Variants in REXO1 observed in about 807,000 individuals in gnomAD.
REXO1 encodes the protein REX1, RNA exonuclease 1 homolog.
A neutral mutation model predicts 102.6 loss-of-function variants in REXO1; 42 were observed. That is an observed-to-expected ratio of 0.41 (90% CI 0.32 to 0.53). The LOEUF is 0.53. REXO1 is among the 20% of genes least tolerant of loss of function. The pLI is 0.27. For synonymous variants in REXO1, 908 were observed against 779.1 expected (o/e 1.17, Z -2.76); for missense variants, 1,819 against 1,732.5 (o/e 1.05, Z -0.89).
chr19:1,818,639 C>A, intron 9 of REXO1, 44 bp from the exon 10 acceptor site: 2 of 1,607,540 alleles, frequency 1.2e-6, no homozygotes, highest in South Asian at 1.1e-5. Context: ...CACGCTGGGG[C>A]CCGCATGCCC....
Position 1,826,712 on chromosome 19 carries a change from T to TGCTCCTGA in REXO1, c.1911+158_1911+165dup, listed in dbSNP as rs1333279992. ...AACAGGAGCAACAGGGCTGCCCGGGTGCTCCTGAGCTCCTGAGATTTCAAC... is the reference window on the plus strand; with the variant it reads ...AACAGGAGCAACAGGGCTGCCCGGGTGCTCCTGAGCTCCTGAGCTCCTGAGATTTCAAC... On this transcript the variant is annotated intron_variant, in intron 2 of 15. Coordinates refer to ENST00000170168, the MANE Select transcript of REXO1 (RefSeq NM_020695.4). This position sits in a 1 kb window ranked among gnomAD's most constrained non-coding sequence, Gnocchi z 4.3. 6.6e-6 allele frequency among the ~76,000 whole-genome samples: 1 copy of TGCTCCTGA among 151,968 alleles called. No homozygotes were observed. Among genetic ancestry groups the TGCTCCTGA allele is most frequent in the Non-Finnish European group, 1.5e-5 (1 of 67,978 alleles).
intron 1 of REXO1, among the ~76,000 whole-genome samples, chr19:1,838,664 CA>C (rs11433403): frequency 2.5e-3 from 312 of 127,174 alleles, no homozygotes; most frequent in African/African-American, 7.5e-3. Context: ...GACTCCTTTT[CA>C]AAAAAAAAAA....
In REXO1 at chr19:1,820,294, G is replaced by T. The variant is rs2069494638; in HGVS notation, c.2496C>A (p.Phe832Leu). ...CTATGGCCTCCTGGTTGGAGGTACA[G>T]AACTTGAGACACTCCTCGATGAACA... The part of the protein sequence containing the change: ...LNLFIEECLK[F>L]CTSNQEAIEK... The change falls in exon 6 of 16, where the codon TTC (phenylalanine) becomes TTA (leucine). Residue 832 changes from phenylalanine to leucine, a missense_variant. Coordinates refer to ENST00000170168, the MANE Select transcript of REXO1 (RefSeq NM_020695.4). 1 of 1,613,862 alleles carries T rather than the reference G, an allele frequency of 6.2e-7. No individual in the cohort carries two copies. The highest frequency in any genetic ancestry group is 8.5e-7 in the Non-Finnish European group (1 of 1,179,970).
Position 1,827,595 on chromosome 19 carries a change from C to T in REXO1, c.1194G>A (p.Lys398=), listed in dbSNP as rs1180437682. 1 of 1,589,048 alleles carries T rather than the reference C, an allele frequency of 6.3e-7. No individual in the cohort carries two copies. Among genetic ancestry groups the T allele is most frequent in the African/African-American group, 1.4e-5 (1 of 73,084 alleles). ...GCCGCCCTCGGCCCTTGTCCTTGGT[C>T]TTGTCCTTCCCCTGGGCCCCGTCTT... ...SCKDGAQGKD[K]TKDKGRGRPV... is the part of the protein sequence containing the mutation. The change falls in exon 2 of 16, where the codon AAG becomes AAA. Residue 398 remains lysine (K), a synonymous_variant. Coordinates refer to ENST00000170168, the MANE Select transcript of REXO1 (RefSeq NM_020695.4).
chr19:1,831,779 AAGTTGC>A (rs951448504), intron 1 of REXO1, among the ~76,000 whole-genome samples: 1 of 148,736 alleles, frequency 6.7e-6, no homozygotes, highest in Non-Finnish European at 1.5e-5. Flanking sequence ...TGGGAGGCGG[AAGTTGC>A]AGTGAGCCAA....
Position 1,827,812 on chromosome 19 carries a change from C to A in REXO1, c.977G>T (p.Gly326Val). 6.2e-7 allele frequency: 1 copy of A among 1,607,172 alleles called. No homozygotes were observed. Among genetic ancestry groups the A allele is most frequent in the South Asian group, 1.1e-5 (1 of 90,628 alleles). The stretch of plus-strand genomic sequence containing the variant: ...CAGGCCGCCCCCCTCGGCCTCCAGG[C>A]CCTCTTTGGAGGGTGGCTGCCCGGT... ...KATGQPPSKE[G>V]LEAEGGGLRE... is the part of the protein sequence containing the mutation. Residue 326 changes from glycine (G) to valine (V), a missense_variant, in exon 2 of 16, where the codon GGC becomes GTC. Coordinates refer to ENST00000170168, the MANE Select transcript of REXO1 (RefSeq NM_020695.4).
chr19:1,827,006 C>A lies in REXO1; in HGVS notation c.1783G>T (p.Ala595Ser), dbSNP rs1272461275. ...SSSSSTSSAG[A>S]DVDYSALEKE... Reference sequence around the variant, plus strand: ...TCCAGGGCCGAGTAGTCCACATCCGCCCCCGCGCTGGAGGTGGAGGAGGAG... The same window carrying A: ...TCCAGGGCCGAGTAGTCCACATCCGACCCCGCGCTGGAGGTGGAGGAGGAG... The change falls in exon 2 of 16, where the codon GCG (alanine) becomes TCG (serine). Residue 595 changes from alanine (A) to serine (S), a missense_variant. Transcript: ENST00000170168. 2 of 1,551,248 alleles carry A rather than the reference C, an allele frequency of 1.3e-6. No individual in the cohort carries two copies. The highest frequency in any genetic ancestry group is 1.7e-6 in the Non-Finnish European group (2 of 1,148,436).
chr19:1,822,303 A>G (rs2069570132), intron 4 of REXO1: 2 of 166,318 alleles, frequency 1.2e-5, no homozygotes, highest in South Asian at 1.9e-4. Context: ...CTGGCCCTGG[A>G]AGGTGCAAGG....
Position 1,823,645 on chromosome 19 carries a change from C to T in REXO1, c.2157G>A (p.Ser719=), listed in dbSNP as rs947755530. 9 of 1,303,910 alleles carry T rather than the reference C, an allele frequency of 6.9e-6. No homozygotes were observed. Among genetic ancestry groups the T allele is most frequent in the African/African-American group, 3.0e-5 (2 of 65,880 alleles). 80.8% of individuals were successfully genotyped at this position (1,303,910 alleles called of 1,614,324 possible). ...LQAPARLAEK[S]PSVHISAPGE... Reference sequence around the variant, plus strand: ...CAGGGGCGGAAATGTGGACGGAGGGCGACTTCTCTGCCAGCCTGGCGGGGG... The same window carrying T: ...CAGGGGCGGAAATGTGGACGGAGGGTGACTTCTCTGCCAGCCTGGCGGGGG... Residue 719 remains serine (S), a synonymous_variant, in exon 4 of 16, where the codon TCG becomes TCA. Coordinates refer to ENST00000170168, the MANE Select transcript of REXO1 (RefSeq NM_020695.4).
At chr19:1,825,814 C>T in intron 3 of REXO1, 25 bp downstream of exon 3, 1 of 1,344,356 alleles carries the variant, frequency 7.4e-7, no homozygotes, top group Non-Finnish European at 1.0e-6. Context: ...AAGGCTCCTG[C>T]TGGCCTGGCC....
intron 1 of REXO1, among the ~76,000 whole-genome samples, chr19:1,833,227 A>C (rs1460336250): frequency 3.3e-5 from 5 of 152,210 alleles, no homozygotes; most frequent in African/African-American, 1.2e-4. Context: ...CCTGTCTCTA[A>C]AACAAATAAA....
At chr19:1,817,080 A>G (rs1019884286) in intron 12 of REXO1, 139 bp downstream of exon 12, 46 of 1,052,078 alleles carry the variant, frequency 4.4e-5, no homozygotes, top group Non-Finnish European at 6.0e-5. Context: ...CCAGGGCAGG[A>G]GCCACAGGCA....
chr19:1,830,092 C>T (rs1028165862), intron 1 of REXO1, among the ~76,000 whole-genome samples: 4 of 152,178 alleles, frequency 2.6e-5, no homozygotes, highest in African/African-American at 4.8e-5. Context: ...AGAAGCCTCC[C>T]GTGGGGACAG....
At chr19:1,841,531 G>A (rs559150376) in intron 1 of REXO1, among the ~76,000 whole-genome samples, 3 of 152,360 alleles carry the variant, frequency 2.0e-5, no homozygotes, top group African/African-American at 7.2e-5. Flanking sequence ...GGAGGCAACA[G>A]GCTCAAGGGG....
chr19:1,815,983 A>T lies in REXO1; in HGVS notation c.*83T>A. ...CTCGGCCAGGTGGACGGGTTACCGG[A>T]GATTTATTGCACTGTTTTGGAAGAG... On this transcript the variant is annotated 3_prime_UTR_variant, in exon 16 of 16. Transcript: ENST00000170168. This position sits in a 1 kb window ranked among gnomAD's most constrained non-coding sequence, Gnocchi z 4.0. 1 of 1,536,024 alleles carries T rather than the reference A, an allele frequency of 6.5e-7. No individual in the cohort carries two copies. The highest frequency in any genetic ancestry group is 1.2e-5 in the South Asian group (1 of 84,068).
In REXO1 at chr19:1,826,741, C is replaced by T. The variant is rs2069735693; in HGVS notation, c.1911+137G>A. The T allele has an allele frequency of 7.1e-7, 1 of 1,406,392 alleles. No homozygotes were observed. Among genetic ancestry groups the T allele is most frequent in the Admixed American group, 2.9e-5 (1 of 34,580 alleles). 87.1% of individuals were successfully genotyped at this position (1,406,392 alleles called of 1,614,324 possible). A position where few individuals can be genotyped will look rare whatever the true frequency, so the allele number is the denominator to read the frequency against. On this transcript the variant is annotated intron_variant, in intron 2 of 15. Coordinates refer to ENST00000170168, the MANE Select transcript of REXO1 (RefSeq NM_020695.4). This position sits in a 1 kb window ranked among gnomAD's most constrained non-coding sequence, Gnocchi z 4.3. Reference sequence around the variant, plus strand: ...CCTGAGCTCCTGAGATTTCAACGGGCTCAGGGACCAGCACTGAGGAGCTGC... The same window carrying T: ...CCTGAGCTCCTGAGATTTCAACGGGTTCAGGGACCAGCACTGAGGAGCTGC...
rs779649475 is a variant in REXO1 at position 1,827,043 on chromosome 19, G to GGAGGAA, written c.1745_1746insTTCCTC (p.Ser588_Ser589dup). 1.5e-5 allele frequency: 19 copies of GGAGGAA among 1,229,180 alleles called. No homozygotes were observed. The South Asian group carries it at 2.3e-4, about 15-fold the overall frequency. The allele number at this position is 1,229,180 out of a possible 1,614,324, so 76.1% of individuals were successfully genotyped here. A position where few individuals can be genotyped will look rare whatever the true frequency, so the allele number is the denominator to read the frequency against. ...AGGTGGAGGAGGAGGAGGAGGAGGA[G>GGAGGAA]GAGGATGGGGCGGGGGAGGGGGGCG... On this transcript the variant is annotated inframe_insertion, in exon 2 of 16. Transcript: ENST00000170168.
chr19:1,827,104 T>C lies in REXO1; in HGVS notation c.1685A>G (p.Glu562Gly), dbSNP rs1188884218. 1.9e-6 allele frequency: 3 copies of C among 1,541,100 alleles called. No homozygotes were observed. In the African/African-American group the frequency reaches 4.1e-5, roughly 21 times the overall value. ...GAGCCGCTTGGGCGGCCCCTGCGCCTCCGGGAAGCCCAGGCTGGAGTCTGA... is the reference window on the plus strand; with the variant it reads ...GAGCCGCTTGGGCGGCCCCTGCGCCCCCGGGAAGCCCAGGCTGGAGTCTGA... ...SDSDSSLGFP[E>G]AQGPPKRLKA... is the part of the protein sequence containing the mutation. The change falls in exon 2 of 16, where the codon GAG becomes GGG. Residue 562 changes from glutamate (E) to glycine (G), a missense_variant. Physicochemically the swap from Glu to Gly is moderately conservative, Grantham distance 98. Coordinates refer to ENST00000170168, the MANE Select transcript of REXO1 (RefSeq NM_020695.4).
chr19:1,836,249 A>T (rs1480399889), intron 1 of REXO1, among the ~76,000 whole-genome samples: 2 of 152,226 alleles, frequency 1.3e-5, no homozygotes. Context: ...GGCAGCAAAA[A>T]TGACAAGATC....
Sources: allele counts gnomAD v4.1 joint callset (sites outside exome capture counted in the v4.1 genomes callset), GRCh38; gene constraint gnomAD v4.1.1; non-coding constraint Gnocchi (gnomAD v3.1); transcripts MANE v1.5; gene names NCBI Gene and HGNC (gene_info 2026-07-23, HGNC 2026-07-21).